The following UBASH3B variants were observed in gnomAD, a reference collection of about 807,000 sequenced individuals.
The protein encoded by UBASH3B is ubiquitin-associated and SH3 domain-containing protein B.
In UBASH3B, 37 loss-of-function variants were observed where a neutral mutation model predicts 83.4. The observed-to-expected ratio is 0.44, with a 90% CI of 0.34 to 0.58. The LOEUF (loss-of-function observed/expected upper bound fraction) is 0.58, where lower values mean the gene tolerates loss of function less well. Among genes scored for constraint, UBASH3B ranks in the 20% least tolerant of loss-of-function variants. The pLI is 0.01. For missense variants in UBASH3B, 657 were observed against 827.2 expected (o/e 0.79, Z 2.52); for synonymous variants, 304 against 318.3 (o/e 0.96, Z 0.48).
At chr11:122,715,005 G>A (rs1860488222) in intron 1 of UBASH3B, among the ~76,000 whole-genome samples, 1 of 152,130 alleles carries the variant, frequency 6.6e-6, no homozygotes, top group African/African-American at 2.4e-5. Context: ...GAGTGCAGTG[G>A]CGTGATCTCG....
At chr11:122,669,349 C>T (rs1565523033) in intron 1 of UBASH3B, among the ~76,000 whole-genome samples, 2 of 152,302 alleles carry the variant, frequency 1.3e-5, no homozygotes, top group South Asian at 2.1e-4. Flanking sequence ...TCACTCCAAG[C>T]CCTCCTCATC....
chr11:122,690,048 G>T (rs1055131592), intron 1 of UBASH3B, among the ~76,000 whole-genome samples: 2 of 151,156 alleles, frequency 1.3e-5, no homozygotes, highest in African/African-American at 2.4e-5. Context: ...GACATTCTCT[G>T]GGGAGGGTCT....
chr11:122,685,057 G>GC (rs1000434942), intron 1 of UBASH3B, among the ~76,000 whole-genome samples: 19 of 152,126 alleles, frequency 1.2e-4, no homozygotes, highest in Admixed American at 1.0e-3. Context: ...GCATTATCTT[G>GC]CCCCCCGGCA....
At chr11:122,676,848 G>A (rs1212982419) in intron 1 of UBASH3B, among the ~76,000 whole-genome samples, 2 of 151,928 alleles carry the variant, frequency 1.3e-5, no homozygotes, top group African/African-American at 2.4e-5. Flanking sequence ...TTTGCCTCCC[G>A]CCCCCAGGCT....
At chr11:122,717,327 T>A (rs940459146) in intron 1 of UBASH3B, among the ~76,000 whole-genome samples, 2 of 152,184 alleles carry the variant, frequency 1.3e-5, no homozygotes, top group Non-Finnish European at 2.9e-5. Flanking sequence ...AGGTTCCCTC[T>A]CTGCCCCTGA....
intron 1 of UBASH3B, among the ~76,000 whole-genome samples, chr11:122,768,494 GTGTGTGTGTGTGTGTA>G (rs1247730190): frequency 1.6e-4 from 21 of 134,234 alleles, no homozygotes; most frequent in African/African-American, 5.4e-4. Flanking sequence ...GTGTGTGTGT[GTGTGTGTGTGTGTGTA>G]TATATATATA....
intron 6 of UBASH3B, among the ~76,000 whole-genome samples, chr11:122,792,605 C>T (rs1361760700): frequency 2.0e-5 from 3 of 152,124 alleles, no homozygotes; most frequent in Admixed American, 6.5e-5. Context: ...AGACGTGAGC[C>T]GCTGTGCCCA....
At chr11:122,808,248 C>G in intron 13 of UBASH3B, 72 bp downstream of exon 13, 2 of 1,208,546 alleles carry the variant, frequency 1.7e-6, no homozygotes, top group Non-Finnish European at 2.5e-6. Flanking sequence ...TGGCTGATTA[C>G]CAAGTTCTTT....
intron 1 of UBASH3B, among the ~76,000 whole-genome samples, chr11:122,756,073 G>A (rs889604588): frequency 3.2e-5 from 4 of 126,744 alleles, no homozygotes; most frequent in Admixed American, 7.6e-5. Flanking sequence ...TTAGGCATAA[G>A]CATTAACACG....
chr11:122,710,492 C>T (rs1362823263), intron 1 of UBASH3B, among the ~76,000 whole-genome samples: 3 of 152,206 alleles, frequency 2.0e-5, no homozygotes, highest in Non-Finnish European at 4.4e-5. Flanking sequence ...GGCTCAGGGA[C>T]ATTAAGGACC....
chr11:122,724,311 T>A (rs7127344), intron 1 of UBASH3B, among the ~76,000 whole-genome samples: 56,815 of 152,064 alleles, frequency 0.37, 10,881 homozygotes, highest in East Asian at 0.57. Flanking sequence ...AATTATTATG[T>A]GTGGAGTGCT....
chr11:122,789,583 T>C (rs1366034873), intron 6 of UBASH3B, among the ~76,000 whole-genome samples: 1 of 152,044 alleles, frequency 6.6e-6, no homozygotes, highest in Non-Finnish European at 1.5e-5. Context: ...GGCCGAAGAG[T>C]GGCATCATCC....
At position 122,813,061 on chromosome 11, in the gene UBASH3B, TA is replaced by T. The variant is rs1208636409; in HGVS notation, c.*3176del. On this transcript the variant is annotated 3_prime_UTR_variant, in exon 14 of 14. Transcript: ENST00000284273. ...TTTAATTATACTTTAACCAAAGAAT[TA>T]TTTTAAAGTAACCTTATATTTAAAA... The T allele has an allele frequency of 9.9e-4, 152 of 152,768 alleles. 1 individual carries two copies. The highest frequency in any genetic ancestry group is 3.3e-3 in the African/African-American group (136 of 41,582). The allele number at this position is 152,768 out of a possible 1,614,324, so 9.5% of individuals were successfully genotyped here.
intron 1 of UBASH3B, among the ~76,000 whole-genome samples, chr11:122,687,466 T>C (rs1863823559): frequency 6.6e-6 from 1 of 152,146 alleles, no homozygotes; most frequent in South Asian, 2.1e-4. Context: ...ATTACTCTTC[T>C]GCGAAGGGGA....
At chr11:122,809,156 C>A (rs1055789543) in intron 13 of UBASH3B, among the ~76,000 whole-genome samples, 2 of 152,126 alleles carry the variant, frequency 1.3e-5, no homozygotes, top group African/African-American at 4.8e-5. Context: ...TTCACTTTAA[C>A]CTCTGCCTCC....
In UBASH3B at chr11:122,701,402, T is replaced by C. The variant is rs537306642; in HGVS notation, c.161+45192T>C. On this transcript the variant is annotated intron_variant, in intron 1 of 13. Coordinates refer to ENST00000284273, the MANE Select transcript of UBASH3B (RefSeq NM_032873.5). ...GCATGGAAATAATAAAATGAACTCT[T>C]ATTAATGAGAACGAGGCTCTTGCAG... 1.2e-4 allele frequency among the ~76,000 whole-genome samples: 18 copies of C among 151,122 alleles called. 1 individual carries two copies. In the South Asian group the frequency reaches 3.5e-3, roughly 30 times the overall value.
At chr11:122,663,128 C>T (rs533903937) in intron 1 of UBASH3B, among the ~76,000 whole-genome samples, 2 of 152,188 alleles carry the variant, frequency 1.3e-5, no homozygotes, top group African/African-American at 2.4e-5. Flanking sequence ...AGGCACATGC[C>T]GCCATGCCCA....
At chr11:122,701,742 G>A (rs572959673) in intron 1 of UBASH3B, among the ~76,000 whole-genome samples, 3 of 152,202 alleles carry the variant, frequency 2.0e-5, no homozygotes, top group East Asian at 1.9e-4. Flanking sequence ...CCTTGCTTTG[G>A]TCTGAAAACC....
chr11:122,684,779 G>A (rs1863787790), intron 1 of UBASH3B, among the ~76,000 whole-genome samples: 1 of 152,146 alleles, frequency 6.6e-6, no homozygotes, highest in South Asian at 2.1e-4. Flanking sequence ...TGTATTTTTA[G>A]TAGAGACGGG....
Sources: gnomAD v4.1 joint callset for allele counts (sites outside exome capture counted in the v4.1 genomes callset) on GRCh38, gnomAD v4.1.1 for gene constraint, MANE v1.5 for transcripts, NCBI Gene and HGNC (gene_info 2026-07-23, HGNC 2026-07-21) for gene names.